The following SLC12A1 variants were observed in gnomAD, a reference collection of about 807,000 sequenced individuals.
SLC12A1 encodes the protein solute carrier family 12 member 1.
SLC12A1 carries 89 observed loss-of-function variants against 130.4 expected under a neutral mutation model. That is an observed-to-expected ratio of 0.68 (90% confidence interval 0.58 to 0.81). SLC12A1 has a LOEUF of 0.81. Ranked by LOEUF, SLC12A1 falls within the 40% of genes least tolerant of loss-of-function variation. The probability of loss-of-function intolerance (pLI) is 0.00; values close to 1 mark genes in which losing one functional copy is unlikely to be tolerated. For missense variants in SLC12A1, 1,310 were observed against 1,336.4 expected, an observed-to-expected ratio of 0.98 and a Z score of 0.31; for synonymous variants, 499 against 460.0, an observed-to-expected ratio of 1.08 and a Z score of -1.09.
At chr15:48,261,657 G>A (rs926492460) in intron 17 of SLC12A1, among the ~76,000 whole-genome samples, 1 of 152,208 alleles carries the variant, frequency 6.6e-6, no homozygotes. Context: ...TATAGGGGGA[G>A]TAAGTATGCC....
At chr15:48,219,577 TGAAAAAAGAAAGATGAAA>T (rs922804936) in intron 2 of SLC12A1, among the ~76,000 whole-genome samples, 9 of 76,454 alleles carry the variant, frequency 1.2e-4, no homozygotes, top group African/African-American at 3.6e-4. Flanking sequence ...GAAAGAAAGA[TGAAAAAAGAAAGATGAAA>T]GAAAGAAAGA....
chr15:48,226,604 A>G, intron 5 of SLC12A1, 33 bp downstream of exon 5: 8 of 1,336,000 alleles, frequency 6.0e-6, no homozygotes, highest in Non-Finnish European at 8.6e-6. Flanking sequence ...TGCCCTCATC[A>G]CTTGCTACGG....
chr15:48,206,509 G>T (rs1249773660), intron 1 of SLC12A1, among the ~76,000 whole-genome samples, 179 bp downstream of exon 1: 1 of 152,192 alleles, frequency 6.6e-6, no homozygotes, highest in African/African-American at 2.4e-5. Context: ...ATGAAGTTGA[G>T]GGTTTTTTTA....
intron 20 of SLC12A1, among the ~76,000 whole-genome samples, chr15:48,277,012 C>T (rs916200595): frequency 4.6e-5 from 7 of 152,072 alleles, no homozygotes; most frequent in Admixed American, 1.3e-4. Flanking sequence ...TTATCAGAAT[C>T]GAGATTGCAG....
At chr15:48,278,447 G>C (rs1301899174) in intron 20 of SLC12A1, among the ~76,000 whole-genome samples, 1 of 152,166 alleles carries the variant, frequency 6.6e-6, no homozygotes, top group Non-Finnish European at 1.5e-5. Flanking sequence ...CTGTTTGAAA[G>C]CCCCTATTTT....
chr15:48,287,431 A>G (rs755731597), intron 21 of SLC12A1, among the ~76,000 whole-genome samples: 3 of 151,992 alleles, frequency 2.0e-5, no homozygotes, highest in South Asian at 2.1e-4. Context: ...GCTTCGCAAG[A>G]TTCCTTGAAA....
chr15:48,255,874 A>C lies in SLC12A1; in HGVS notation c.2006A>C (p.Glu669Ala), dbSNP rs375675843. The change falls in exon 16 of 27, where the codon GAA (glutamate) becomes GCA (alanine). Residue 669 changes from glutamate (E) to alanine (A), a missense_variant. Coordinates refer to ENST00000380993, the MANE Select transcript of SLC12A1 (RefSeq NM_000338.3). ...GTGAGTGCTTTAGACAATGCTCTGG[A>C]ATTAACCACAGTGGAAGACCACGTA... ...SYVSALDNALELTTVEDHVKN... is the reference protein window; with the variant it reads ...SYVSALDNALALTTVEDHVKN... The C allele has an allele frequency of 3.9e-5, 63 of 1,604,704 alleles. No homozygotes were observed. In the African/African-American group the frequency reaches 5.6e-4, roughly 14 times the overall value.
At chr15:48,290,832 T>C (rs1271168889) in intron 23 of SLC12A1, among the ~76,000 whole-genome samples, 2 of 152,208 alleles carry the variant, frequency 1.3e-5, no homozygotes, top group East Asian at 1.9e-4. Context: ...TAACATAATG[T>C]CTATAATATT....
intron 19 of SLC12A1, 140 bp downstream of exon 19, chr15:48,269,904 T>A: frequency 2.2e-6 from 1 of 453,202 alleles, no homozygotes; most frequent in Non-Finnish European, 4.0e-6. Flanking sequence ...TGACTTCTTT[T>A]CCAAGGTGAA....
chr15:48,282,619 G>A (rs1459089138), intron 20 of SLC12A1, among the ~76,000 whole-genome samples: 1 of 152,094 alleles, frequency 6.6e-6, no homozygotes, highest in African/African-American at 2.4e-5. Context: ...TAACAGCTAG[G>A]ATGCCGTCAT....
At chr15:48,270,223 C>T (rs2041878175) in intron 19 of SLC12A1, among the ~76,000 whole-genome samples, 1 of 152,116 alleles carries the variant, frequency 6.6e-6, no homozygotes, top group African/African-American at 2.4e-5. Flanking sequence ...CTTCTGCTAC[C>T]AGGTGGAGCA....
chr15:48,249,352 T>A (rs922447426), intron 13 of SLC12A1, among the ~76,000 whole-genome samples: 1 of 152,212 alleles, frequency 6.6e-6, no homozygotes, highest in African/African-American at 2.4e-5. Context: ...AGGTCTCGAT[T>A]GTCTATTTTC....
rs944970306 is a variant in SLC12A1 at position 48,285,233 on chromosome 15, G to C, written c.2613G>C (p.Lys871Asn). The change falls in exon 21 of 27, where the codon AAG becomes AAC. Residue 871 changes from lysine to asparagine, a missense_variant. By Grantham distance (94) the Lys-to-Asn change is moderately conservative. Transcript: ENST00000380993. Reference sequence around the variant, plus strand: ...AAGCTGGCAAGTTGAACATTACTAAGACAACGCCTAAAAAAGGTAAGAACT... The same window carrying C: ...AAGCTGGCAAGTTGAACATTACTAACACAACGCCTAAAAAAGGTAAGAACT... ...FKKAGKLNIT[K>N]TTPKKDGSIN... 1.2e-6 allele frequency: 2 copies of C among 1,613,444 alleles called. No individual in the cohort carries two copies. Among genetic ancestry groups the C allele is most frequent in the Non-Finnish European group, 1.7e-6 (2 of 1,179,758 alleles).
At chr15:48,272,198 G>C (rs1388453416) in intron 19 of SLC12A1, among the ~76,000 whole-genome samples, 2 of 152,124 alleles carry the variant, frequency 1.3e-5, no homozygotes, top group East Asian at 3.8e-4. Flanking sequence ...AACCTAGCTG[G>C]ACTGGTAAAG....
At chr15:48,276,867 T>A (rs1222242191) in intron 20 of SLC12A1, among the ~76,000 whole-genome samples, 1 of 152,100 alleles carries the variant, frequency 6.6e-6, no homozygotes, top group Non-Finnish European at 1.5e-5. Flanking sequence ...AGGTAAACCA[T>A]GGGAGTACAG....
rs561132111 is a variant in SLC12A1 at position 48,219,137 on chromosome 15, A to C, written c.421-1497A>C. Among the ~76,000 whole-genome samples, 91 of 152,348 alleles carry C rather than the reference A, an allele frequency of 6.0e-4. 1 individual carries two copies. The highest frequency in any genetic ancestry group is 2.1e-3 in the African/African-American group (88 of 41,586). On this transcript the variant is annotated intron_variant, in intron 2 of 26. Coordinates refer to ENST00000380993, the MANE Select transcript of SLC12A1 (RefSeq NM_000338.3). Reference sequence around the variant, plus strand: ...GATACTAGCATATTCAACAATTCTCAGGCAAAGGCATAACGGAATCTCAAA... The same window carrying C: ...GATACTAGCATATTCAACAATTCTCCGGCAAAGGCATAACGGAATCTCAAA...
intron 8 of SLC12A1, among the ~76,000 whole-genome samples, chr15:48,233,183 T>C (rs2041401350): frequency 6.6e-6 from 1 of 152,142 alleles, no homozygotes; most frequent in African/African-American, 2.4e-5. Context: ...AGACCCAAGG[T>C]TGGATCTCAA....
intron 2 of SLC12A1, among the ~76,000 whole-genome samples, chr15:48,220,006 G>A (rs763995089): frequency 6.6e-6 from 1 of 151,724 alleles, no homozygotes; most frequent in Non-Finnish European, 1.5e-5. Context: ...CTACTCGGGA[G>A]GCTAAGGCAC....
intron 26 of SLC12A1, 89 bp downstream of exon 26, chr15:48,301,471 T>C (rs2042231157): frequency 3.9e-6 from 3 of 774,444 alleles, no homozygotes; most frequent in African/African-American, 3.8e-5. Flanking sequence ...ACTCTTCAGG[T>C]GGGAATTTTG....
Sources: gnomAD v4.1 joint callset for allele counts (sites outside exome capture counted in the v4.1 genomes callset) on GRCh38, gnomAD v4.1.1 for gene constraint, MANE v1.5 for transcripts, NCBI Gene and HGNC (gene_info 2026-07-23, HGNC 2026-07-21) for gene names.